GOLGA3: variants seen among roughly 807,000 people sequenced by gnomAD.
The protein encoded by GOLGA3 is golgin A3, also known as golgin subfamily A member 3.
A neutral mutation model predicts 169.4 loss-of-function variants in GOLGA3; 75 were observed. The observed-to-expected ratio is 0.44, with a 90% CI of 0.37 to 0.54. The LOEUF is 0.54. GOLGA3 is among the 20% of genes least tolerant of loss of function. GOLGA3 has a pLI of 0.00. For synonymous variants in GOLGA3, 824 were observed against 822.4 expected, an observed-to-expected ratio of 1.00 and a Z score of -0.03; for missense variants, 1,899 against 1,930.0, an observed-to-expected ratio of 0.98 and a Z score of 0.30.
intron 2 of GOLGA3, among the ~76,000 whole-genome samples, chr12:132,821,564 C>T (rs914536560): frequency 6.6e-6 from 1 of 151,386 alleles, no homozygotes; most frequent in Admixed American, 6.6e-5. Flanking sequence ...CTAAAACATA[C>T]TTTGGGCCGG....
At position 132,796,692 on chromosome 12, in the gene GOLGA3, C is replaced by T. The variant is rs1308657876; in HGVS notation, c.1947G>A (p.Met649Ile). Residue 649 changes from methionine to isoleucine, a missense_variant, in exon 10 of 24, where the codon ATG becomes ATA. Physicochemically the swap from Met to Ile is conservative, Grantham distance 10. Coordinates refer to ENST00000450791, the MANE Select transcript of GOLGA3 (RefSeq NM_001389683.1). Reference sequence around the variant, plus strand: ...GCATGAAGGCTGCTTCCTGATCCAACATGTCAGCCTGAGCCCAGGAAACTT... The same window carrying T: ...GCATGAAGGCTGCTTCCTGATCCAATATGTCAGCCTGAGCCCAGGAAACTT... The part of the protein sequence containing the change: ...AAQLQGIEAD[M>I]LDQEAAFMQI... The T allele has an allele frequency of 8.7e-6, 14 of 1,613,750 alleles. No individual in the cohort carries two copies. Among genetic ancestry groups the T allele is most frequent in the African/African-American group, 1.3e-5 (1 of 75,056 alleles).
chr12:132,781,248 G>C (rs1031964604), intron 17 of GOLGA3, among the ~76,000 whole-genome samples: 9 of 151,874 alleles, frequency 5.9e-5, no homozygotes, highest in Non-Finnish European at 8.8e-5. Context: ...CTCCGGGCAA[G>C]AGCCAGACCC....
In GOLGA3 at chr12:132,777,119, A is replaced by G. The variant is rs1338301832; in HGVS notation, c.3723-29T>C. The G allele has an allele frequency of 6.4e-7, 1 of 1,558,022 alleles. No homozygotes were observed. The highest frequency in any genetic ancestry group is 1.2e-5 in the South Asian group (1 of 80,792). ...GCGTAAAAAAACAAGAAAGAAGGGA[A>G]TCGCCACGCTCCTCCAGTGTGCTGT... On this transcript the variant is annotated intron_variant, in intron 19 of 23. Coordinates refer to ENST00000450791, the MANE Select transcript of GOLGA3 (RefSeq NM_001389683.1). This position sits in a 1 kb window ranked among gnomAD's most constrained non-coding sequence, Gnocchi z 4.7.
At position 132,784,330 on chromosome 12, in the gene GOLGA3, C is replaced by A. The variant is rs760169505; in HGVS notation, c.3124-23G>T. 10 of 1,593,282 alleles carry A rather than the reference C, an allele frequency of 6.3e-6. No individual in the cohort carries two copies. The South Asian group carries it at 6.7e-5, about 11-fold the overall frequency. The stretch of plus-strand genomic sequence containing the variant: ...TTCCTAAGGGCCAAGATGGAACGGG[C>A]GCTTGGTCATGGGACAGGCCCTGAC... On this transcript the variant is annotated intron_variant, in intron 15 of 23. Transcript: ENST00000450791.
At chr12:132,802,013 CG>C in intron 7 of GOLGA3, 44 bp from the exon 8 acceptor site, 1 of 1,513,566 alleles carries the variant, frequency 6.6e-7, no homozygotes, top group Non-Finnish European at 9.0e-7. Context: ...CGACGGCCAA[CG>C]GGGGAGTCCG....
At chr12:132,802,009 C>T in intron 7 of GOLGA3, 40 bp from the exon 8 acceptor site, 8 of 1,541,206 alleles carry the variant, frequency 5.2e-6, no homozygotes, top group Non-Finnish European at 7.1e-6. Context: ...CCAGCGACGG[C>T]CAACGGGGGA....
rs1197887860 is a variant in GOLGA3 at position 132,782,407 on chromosome 12, T to C, written c.3354A>G (p.Lys1118=). 1.2e-6 allele frequency: 2 copies of C among 1,614,172 alleles called. No homozygotes were observed. The highest frequency in any genetic ancestry group is 2.7e-5 in the African/African-American group (2 of 75,068). Residue 1118 remains lysine, a synonymous_variant, in exon 17 of 24, where the codon AAA becomes AAG. Coordinates refer to ENST00000450791, the MANE Select transcript of GOLGA3 (RefSeq NM_001389683.1). Reference sequence around the variant, plus strand: ...ACTGACCGAGGCCCGTAAGCTTCCCTTTCTCGTGCTCTAATTCAAGAGCCA... The same window carrying C: ...ACTGACCGAGGCCCGTAAGCTTCCCCTTCTCGTGCTCTAATTCAAGAGCCA... The part of the protein sequence containing the change: ...KKLALELEHE[K]GKLTGLGQSN...
At chr12:132,824,051 C>G (rs1482143497) in intron 1 of GOLGA3, among the ~76,000 whole-genome samples, 1 of 152,162 alleles carries the variant, frequency 6.6e-6, no homozygotes, top group African/African-American at 2.4e-5. Context: ...CACTGCACTC[C>G]AGCCTGGGAG....
intron 17 of GOLGA3, among the ~76,000 whole-genome samples, chr12:132,781,650 G>A (rs2045613935): frequency 6.6e-6 from 1 of 152,072 alleles, no homozygotes; most frequent in Non-Finnish European, 1.5e-5. Context: ...GAACAGAAGT[G>A]GTGGGAACTA....
chr12:132,810,166 T>C (rs367594613), intron 4 of GOLGA3, among the ~76,000 whole-genome samples: 1 of 152,196 alleles, frequency 6.6e-6, no homozygotes, highest in East Asian at 1.9e-4. Flanking sequence ...GAGAATCACT[T>C]GAACCCAGGA....
In GOLGA3 at chr12:132,804,786, CTCGGCCACCTGCAAG is replaced by C; in HGVS notation, c.1512_1526del (p.Asp504_Ala508del). 1.2e-6 allele frequency: 2 copies of C among 1,614,232 alleles called. No homozygotes were observed. The highest frequency in any genetic ancestry group is 1.7e-6 in the Non-Finnish European group (2 of 1,180,036). On this transcript the variant is annotated inframe_deletion, in exon 7 of 24. Transcript: ENST00000450791. The surrounding 1 kb of genome is among the most constrained non-coding windows in gnomAD (Gnocchi z 4.1). ...TGGCCATAAGCCTCTGGTACTGCTCCTCGGCCACCTGCAAGTCGTTGTTGGACGACGCCAGGCTGG... is the reference window on the plus strand; with the variant it reads ...TGGCCATAAGCCTCTGGTACTGCTCCTCGTTGTTGGACGACGCCAGGCTGG...
At chr12:132,812,341 A>G (rs1015214260) in intron 4 of GOLGA3, among the ~76,000 whole-genome samples, 1 of 152,182 alleles carries the variant, frequency 6.6e-6, no homozygotes, top group African/African-American at 2.4e-5. Context: ...TCCCTTCTGC[A>G]GCCCATGGAT....
chr12:132,775,287 C>G lies in GOLGA3; in HGVS notation c.3997G>C (p.Glu1333Gln). Residue 1333 changes from glutamate to glutamine, a missense_variant, in exon 22 of 24, where the codon GAG (glutamate) becomes CAG (glutamine). By Grantham distance (29) the Glu-to-Gln change is conservative. Transcript: ENST00000450791. ...QLLQNVKSEL[E>Q]MAQEDLSMTQ... is the part of the protein sequence containing the mutation. ...ATGGACAGGTCTTCCTGGGCCATCT[C>G]CAACTCAGACTTGACGTTCTGTGGA... The G allele has an allele frequency of 3.1e-6, 5 of 1,610,130 alleles. No individual in the cohort carries two copies. Among genetic ancestry groups the G allele is most frequent in the Non-Finnish European group, 4.2e-6 (5 of 1,178,634 alleles).
At chr12:132,821,526 C>T (rs570540704) in intron 2 of GOLGA3, among the ~76,000 whole-genome samples, 2 of 152,056 alleles carry the variant, frequency 1.3e-5, no homozygotes, top group South Asian at 4.2e-4. Context: ...AGGAATGTGC[C>T]TGATCTAAAG....
chr12:132,769,353 A>G lies in GOLGA3; in HGVS notation c.*3752T>C, dbSNP rs928757642. ...TACAACATTCTGTTTTTGTTTTTAA[A>G]GACCTCAGGGAACTAGAACTCGGTT... On this transcript the variant is annotated 3_prime_UTR_variant, in exon 24 of 24. Transcript: ENST00000450791. The G allele has an allele frequency of 6.6e-6, 1 of 152,254 alleles. No individual in the cohort carries two copies. The highest frequency in any genetic ancestry group is 1.9e-4 in the East Asian group (1 of 5,196). 9.4% of individuals were successfully genotyped at this position (152,254 alleles called of 1,614,324 possible).
intron 12 of GOLGA3, among the ~76,000 whole-genome samples, chr12:132,790,476 C>T (rs1231872380): frequency 1.3e-5 from 2 of 152,244 alleles, no homozygotes; most frequent in African/African-American, 4.8e-5. Flanking sequence ...ACAGGAGGTA[C>T]TGGCTTCACT....
In GOLGA3 at chr12:132,770,298, G is replaced by C. The variant is rs2044843150; in HGVS notation, c.*2807C>G. Reference sequence around the variant, plus strand: ...TCTTCTTAAGGAAGGAAGTGTCCGCGTGAACACGAGAGGCCTCAGATCCAG... The same window carrying C: ...TCTTCTTAAGGAAGGAAGTGTCCGCCTGAACACGAGAGGCCTCAGATCCAG... On this transcript the variant is annotated 3_prime_UTR_variant, in exon 24 of 24. Transcript: ENST00000450791. 6.7e-6 allele frequency: 1 copy of C among 149,544 alleles called. No individual in the cohort carries two copies. Among genetic ancestry groups the C allele is most frequent in the Non-Finnish European group, 1.5e-5 (1 of 68,026 alleles). The allele number at this position is 149,544 out of a possible 1,614,324, so 9.3% of individuals were successfully genotyped here.
At position 132,769,739 on chromosome 12, in the gene GOLGA3, C is replaced by T. The variant is rs1182331627; in HGVS notation, c.*3366G>A. 2 of 152,272 alleles carry T rather than the reference C, an allele frequency of 1.3e-5. No individual in the cohort carries two copies. Among genetic ancestry groups the T allele is most frequent in the Non-Finnish European group, 2.9e-5 (2 of 68,052 alleles). The allele number at this position is 152,272 out of a possible 1,614,324, so 9.4% of individuals were successfully genotyped here. A position where few individuals can be genotyped will look rare whatever the true frequency, so the allele number is the denominator to read the frequency against. Reference sequence around the variant, plus strand: ...ACACGGCGTGGGGATGAACACGCCACATAATGCACTGGTGACCCTGTTTTG... The same window carrying T: ...ACACGGCGTGGGGATGAACACGCCATATAATGCACTGGTGACCCTGTTTTG... On this transcript the variant is annotated 3_prime_UTR_variant, in exon 24 of 24. Transcript: ENST00000450791.
At chr12:132,813,494 C>T in intron 3 of GOLGA3, 75 bp from the exon 4 acceptor site, 1 of 776,140 alleles carries the variant, frequency 1.3e-6, no homozygotes, top group East Asian at 2.5e-5. Context: ...AGAACTTGGT[C>T]ATTTTGTACT....
Sources: gnomAD v4.1 joint callset for allele counts (sites outside exome capture counted in the v4.1 genomes callset) on GRCh38, gnomAD v4.1.1 for gene constraint, Gnocchi (gnomAD v3.1) non-coding constraint, MANE v1.5 for transcripts, NCBI Gene and HGNC (gene_info 2026-07-23, HGNC 2026-07-21) for gene names.